Variants in CMYA5 observed in about 807,000 individuals in gnomAD.
CMYA5 encodes cardiomyopathy-associated protein 5.
CMYA5 carries 246 observed loss-of-function variants against 318.9 expected under a neutral mutation model. The observed-to-expected ratio is 0.77, with a 90% CI of 0.70 to 0.86. The LOEUF is 0.86. Among genes scored for constraint, CMYA5 ranks in the 40% least tolerant of loss-of-function variants. CMYA5 has a pLI of 0.00. For synonymous variants in CMYA5, 1,641 were observed against 1,729.5 expected, an observed-to-expected ratio of 0.95 and a Z score of 1.27; for missense variants, 4,589 against 4,678.2, an observed-to-expected ratio of 0.98 and a Z score of 0.56.
chr5:79,694,720 T>G (rs1160322201), intron 1 of CMYA5, among the ~76,000 whole-genome samples: 1 of 152,230 alleles, frequency 6.6e-6, no homozygotes, highest in Non-Finnish European at 1.5e-5. Context: ...TGGTTTTCAT[T>G]ATCAGTACAG....
At chr5:79,755,756 A>G (rs1159688205) in intron 6 of CMYA5, among the ~76,000 whole-genome samples, 2 of 135,176 alleles carry the variant, frequency 1.5e-5, no homozygotes, top group Non-Finnish European at 3.4e-5. Context: ...TTTGAAAAGT[A>G]AAAGTATTTC....
intron 9 of CMYA5, among the ~76,000 whole-genome samples, chr5:79,776,596 G>T (rs779286693): frequency 2.6e-4 from 40 of 151,854 alleles, no homozygotes; most frequent in Non-Finnish European, 5.3e-4. Context: ...AGATTCAAAG[G>T]CCCCTCTTAA....
rs749937316 is a variant in CMYA5 at position 79,730,792 on chromosome 5, A to G, written c.2027A>G (p.Tyr676Cys). Residue 676 changes from tyrosine to cysteine, a missense_variant, in exon 2 of 13, where the codon TAC becomes TGC. Physicochemically the swap from Tyr to Cys is radical, Grantham distance 194 (BLOSUM62 -2). Coordinates refer to ENST00000446378, the MANE Select transcript of CMYA5 (RefSeq NM_153610.5). ...SPLFSTVTPE[Y>C]MVLSGDEASE... Reference sequence around the variant, plus strand: ...CTGTTTTCAACAGTTACACCAGAATACATGGTCCTATCAGGAGACGAGGCC... The same window carrying G: ...CTGTTTTCAACAGTTACACCAGAATGCATGGTCCTATCAGGAGACGAGGCC... The G allele has an allele frequency of 5.6e-6, 9 of 1,613,876 alleles. No individual in the cohort carries two copies. The South Asian group carries it at 9.9e-5, about 18-fold the overall frequency.
chr5:79,720,886 T>C (rs914523755), intron 1 of CMYA5, among the ~76,000 whole-genome samples: 17 of 152,214 alleles, frequency 1.1e-4, no homozygotes, highest in African/African-American at 3.9e-4. Context: ...AGATGGAATC[T>C]TAGAGATACA....
At position 79,800,212 on chromosome 5, in the gene CMYA5, G is replaced by A. The variant is rs1829350253; in HGVS notation, c.*596G>A. 1 of 152,794 alleles carries A rather than the reference G, an allele frequency of 6.5e-6. No individual in the cohort carries two copies. Among genetic ancestry groups the A allele is most frequent in the South Asian group, 2.1e-4 (1 of 4,834 alleles). 9.5% of individuals were successfully genotyped at this position (152,794 alleles called of 1,614,324 possible). ...TTCCATTTTGTTAAATAAATGGTTA[G>A]AGTCTATAAAGCCAGTCGTGTTATG... On this transcript the variant is annotated 3_prime_UTR_variant, in exon 13 of 13. Coordinates refer to ENST00000446378, the MANE Select transcript of CMYA5 (RefSeq NM_153610.5).
Position 79,799,652 on chromosome 5 carries a change from G to T in CMYA5, c.*36G>T. The T allele has an allele frequency of 1.3e-6, 2 of 1,581,718 alleles. No homozygotes were observed. Among genetic ancestry groups the T allele is most frequent in the Non-Finnish European group, 1.7e-6 (2 of 1,159,994 alleles). On this transcript the variant is annotated 3_prime_UTR_variant, in exon 13 of 13. Coordinates refer to ENST00000446378, the MANE Select transcript of CMYA5 (RefSeq NM_153610.5). ...TCAGAATTTGCAAGAACAGCGATTT[G>T]AATTTTGGGGGGGTCTGCTGTTCAT...
chr5:79,733,452 G>T lies in CMYA5; in HGVS notation c.4687G>T (p.Asp1563Tyr). Residue 1563 changes from aspartate to tyrosine, a missense_variant, in exon 2 of 13, where the codon GAT (aspartate) becomes TAT (tyrosine). Asp to Tyr is a radical substitution (Grantham distance 160). Coordinates refer to ENST00000446378, the MANE Select transcript of CMYA5 (RefSeq NM_153610.5). ...CAAACATATAATCCCAAAAGGCAAA[G>T]ATGAGGAAACAGCAAGTTCATCTCC... ...ASKHIIPKGK[D>Y]EETASSSPEL... 6.2e-7 allele frequency: 1 copy of T among 1,613,906 alleles called. No homozygotes were observed. Among genetic ancestry groups the T allele is most frequent in the Non-Finnish European group, 8.5e-7 (1 of 1,179,852 alleles).
intron 1 of CMYA5, 98 bp from the exon 2 acceptor site, chr5:79,728,817 A>T: frequency 1.9e-6 from 1 of 536,700 alleles, no homozygotes. Flanking sequence ...TTTTAATTTC[A>T]CATTAATCCT....
chr5:79,778,774 T>C (rs1271318745), intron 9 of CMYA5, among the ~76,000 whole-genome samples: 2 of 144,318 alleles, frequency 1.4e-5, no homozygotes, highest in Non-Finnish European at 1.5e-5. Context: ...TAGCATATTT[T>C]AAAATGCCCC....
chr5:79,747,198 GCTGCC>G, intron 5 of CMYA5, 85 bp downstream of exon 5: 1 of 1,324,832 alleles, frequency 7.5e-7, no homozygotes, highest in Admixed American at 2.8e-5. Flanking sequence ...TGGAAAATGA[GCTGCC>G]AATTAAAAAA....
At chr5:79,796,860 G>A (rs371481248) in intron 12 of CMYA5, among the ~76,000 whole-genome samples, 3 of 120,544 alleles carry the variant, frequency 2.5e-5, no homozygotes, top group South Asian at 5.1e-4. Context: ...TCAACGTTAC[G>A]GATCAATAAA....
In CMYA5 at chr5:79,734,599, A is replaced by G. The variant is rs776776466; in HGVS notation, c.5834A>G (p.Gln1945Arg). The change falls in exon 2 of 13, where the codon CAG (glutamine) becomes CGG (arginine). Residue 1945 changes from glutamine to arginine, a missense_variant. By Grantham distance (43) the Gln-to-Arg change is conservative. Around this residue, in one of 3 missense-constraint regions of CMYA5, gnomAD observed 2,431 missense variants for 2,495.1 expected, o/e 0.97. Transcript: ENST00000446378. ...SKDHTCEVRK[Q>R]VLPHSAEESH... The stretch of plus-strand genomic sequence containing the variant: ...GACCATACATGTGAAGTGAGAAAGC[A>G]GGTCCTGCCGCATTCTGCTGAAGAA... The G allele has an allele frequency of 1.2e-5, 19 of 1,613,884 alleles. No homozygotes were observed. The African/African-American group carries it at 2.1e-4, about 18-fold the overall frequency.
intron 1 of CMYA5, among the ~76,000 whole-genome samples, chr5:79,714,862 C>G (rs1198084407): frequency 1.3e-5 from 2 of 152,098 alleles, no homozygotes; most frequent in Non-Finnish European, 2.9e-5. Flanking sequence ...TTGTGTTACT[C>G]TTCTTTATAT....
chr5:79,742,048 C>CTCTTCTTCTTCTTCTTCTTCTTCTTCT (rs200715392), intron 2 of CMYA5, among the ~76,000 whole-genome samples: 2 of 102,492 alleles, frequency 2.0e-5, no homozygotes, highest in African/African-American at 1.0e-4. Flanking sequence ...CCTCTTTCTC[C>CTCTTCTTCTTCTTCTTCTTCTTCTTCT]TCTTCTTCTT....
chr5:79,712,719 G>A (rs1046818938), intron 1 of CMYA5, among the ~76,000 whole-genome samples: 2 of 152,094 alleles, frequency 1.3e-5, no homozygotes, highest in Non-Finnish European at 2.9e-5. Flanking sequence ...AGGCCATGAA[G>A]GAAATCTGAT....
chr5:79,778,940 T>A (rs1345152808), intron 9 of CMYA5, among the ~76,000 whole-genome samples: 14 of 128,842 alleles, frequency 1.1e-4, no homozygotes, highest in African/African-American at 4.4e-4. Context: ...TACTCTAAGT[T>A]TTAGGGTACA....
intron 9 of CMYA5, chr5:79,763,508 A>T (rs936263061): frequency 3.1e-6 from 1 of 318,344 alleles, no homozygotes; most frequent in Non-Finnish European, 5.9e-6. Context: ...GGATTTATGC[A>T]TATTTTATGG....
intron 8 of CMYA5, 88 bp downstream of exon 8, chr5:79,762,045 C>T (rs1390090519): frequency 1.4e-6 from 2 of 1,410,184 alleles, no homozygotes; most frequent in East Asian, 2.4e-5. Context: ...GTTTATTAAG[C>T]ACCTATTGTG....
chr5:79,714,761 C>A (rs1394182057), intron 1 of CMYA5, among the ~76,000 whole-genome samples: 1 of 152,040 alleles, frequency 6.6e-6, no homozygotes, highest in Non-Finnish European at 1.5e-5. Flanking sequence ...GCCTTTTGCA[C>A]ATTCTATTGA....
Sources: allele counts gnomAD v4.1 joint callset (sites outside exome capture counted in the v4.1 genomes callset), GRCh38; gene constraint gnomAD v4.1.1; regional missense constraint gnomAD v4.1.1; transcripts MANE v1.5; gene names NCBI Gene and HGNC (gene_info 2026-07-23, HGNC 2026-07-21).